The following POLR3G variants were observed in gnomAD, a reference collection of about 807,000 sequenced individuals.
POLR3G encodes RNA polymerase III subunit G, also known as DNA-directed RNA polymerase III subunit RPC7.
A neutral mutation model predicts 30.1 loss-of-function variants in POLR3G; 28 were observed. That is an observed-to-expected ratio of 0.93 (90% CI 0.69 to 1.27). The LOEUF (loss-of-function observed/expected upper bound fraction) is 1.27. Among genes scored for constraint, POLR3G ranks in the 50% most tolerant of loss-of-function variants. The pLI, the probability that POLR3G is intolerant of heterozygous loss-of-function variation, is 0.00. For synonymous variants in POLR3G, 79 were observed against 82.5 expected, an observed-to-expected ratio of 0.96 and a Z score of 0.23; for missense variants, 254 against 264.6, an observed-to-expected ratio of 0.96 and a Z score of 0.28.
At chr5:90,484,449 A>G (rs1044093174) in intron 1 of POLR3G, among the ~76,000 whole-genome samples, 2 of 152,200 alleles carry the variant, frequency 1.3e-5, no homozygotes, top group Admixed American at 6.5e-5. Flanking sequence ...AATAGTGCCT[A>G]TATTCAAATT....
Position 90,497,864 on chromosome 5 carries a change from G to A in POLR3G, c.355+158G>A, listed in dbSNP as rs999868294. On this transcript the variant is annotated intron_variant, in intron 5 of 7. Coordinates refer to ENST00000651687, the MANE Select transcript of POLR3G (RefSeq NM_006467.3). Reference sequence around the variant, plus strand: ...CTCATGCCTGTAATCTCAGCATTTCGGGAGGCTGAGGTGGGAGGATCACTT... The same window carrying A: ...CTCATGCCTGTAATCTCAGCATTTCAGGAGGCTGAGGTGGGAGGATCACTT... 1.7e-5 allele frequency: 15 copies of A among 863,462 alleles called. No homozygotes were observed. In the Admixed American group the frequency reaches 4.3e-4, roughly 25 times the overall value. The allele number at this position is 863,462 out of a possible 1,614,324, so 53.5% of individuals were successfully genotyped here. A position where few individuals can be genotyped will look rare whatever the true frequency, so the allele number is the denominator to read the frequency against.
At chr5:90,503,473 G>T (rs1297722262) in intron 6 of POLR3G, among the ~76,000 whole-genome samples, 2 of 152,178 alleles carry the variant, frequency 1.3e-5, no homozygotes, top group African/African-American at 4.8e-5. Flanking sequence ...TCAGGTTCTG[G>T]CTATTCTAAA....
upstream of POLR3G, chr5:90,474,149 C>T: frequency 5.0e-6 from 8 of 1,594,764 alleles, no homozygotes; most frequent in Non-Finnish European, 6.8e-6. Context: ...TGCGCAGCCC[C>T]AGGCCTGTAT....
At position 90,512,517 on chromosome 5, in the gene POLR3G, A is replaced by G. The variant is rs1752788220; in HGVS notation, c.*378A>G. The G allele has an allele frequency of 6.0e-6, 1 of 167,212 alleles. No homozygotes were observed. The highest frequency in any genetic ancestry group is 1.6e-4 in the South Asian group (1 of 6,204). The allele number at this position is 167,212 out of a possible 1,614,324, so 10.4% of individuals were successfully genotyped here. A position where few individuals can be genotyped will look rare whatever the true frequency, so the allele number is the denominator to read the frequency against. On this transcript the variant is annotated 3_prime_UTR_variant, in exon 8 of 8. Transcript: ENST00000651687. ...ATTGCTAGTCATAATGGATTTCTAT[A>G]ACCTGAAAGTTGATATAATACAGCA... is the stretch of plus-strand genomic sequence containing the variant.
At chr5:90,474,278 C>G (rs148053672), upstream of POLR3G, 94 of 1,613,154 alleles carry the variant, frequency 5.8e-5, no homozygotes, top group Non-Finnish European at 7.2e-5. Context: ...GGGCGTACCA[C>G]TCGAGCGCCG....
chr5:90,504,850 C>A (rs1361915660), intron 6 of POLR3G, among the ~76,000 whole-genome samples: 1 of 152,218 alleles, frequency 6.6e-6, no homozygotes, highest in Non-Finnish European at 1.5e-5. Flanking sequence ...TCTTTACTTG[C>A]ACTTTTCCAA....
At chr5:90,497,571 AC>A in intron 4 of POLR3G, 84 bp from the exon 5 acceptor site, 1 of 1,452,706 alleles carries the variant, frequency 6.9e-7, no homozygotes, top group East Asian at 2.6e-5. Flanking sequence ...TTTCTGGACA[AC>A]TGTTGTGTCC....
At chr5:90,480,418 T>C (rs181998546) in intron 1 of POLR3G, among the ~76,000 whole-genome samples, 2 of 151,270 alleles carry the variant, frequency 1.3e-5, no homozygotes, top group East Asian at 1.9e-4. Context: ...CACATAATTA[T>C]TAAATGTGTC....
intron 3 of POLR3G, among the ~76,000 whole-genome samples, chr5:90,494,469 A>T (rs1371420542): frequency 6.6e-6 from 1 of 152,084 alleles, no homozygotes; most frequent in African/African-American, 2.4e-5. Flanking sequence ...GAACTGCCAA[A>T]CAGTTTTCTA....
intron 1 of POLR3G, among the ~76,000 whole-genome samples, chr5:90,480,734 C>T (rs941002327): frequency 6.6e-6 from 1 of 152,144 alleles, no homozygotes; most frequent in African/African-American, 2.4e-5. Flanking sequence ...GTAAACTTTA[C>T]CTGGAATTGT....
chr5:90,509,745 C>T (rs559450380), intron 7 of POLR3G, among the ~76,000 whole-genome samples: 1 of 152,164 alleles, frequency 6.6e-6, no homozygotes, highest in South Asian at 2.1e-4. Flanking sequence ...CCAGATAAAT[C>T]GGTATGGCGG....
intron 1 of POLR3G, among the ~76,000 whole-genome samples, chr5:90,478,567 TTC>T (rs944889922): frequency 8.8e-6 from 1 of 113,782 alleles, no homozygotes; most frequent in African/African-American, 3.3e-5. Context: ...ATCTGCGTGG[TTC>T]TTTTTTTTTT....
chr5:90,495,982 AT>A, intron 4 of POLR3G, among the ~76,000 whole-genome samples: 1 of 151,350 alleles, frequency 6.6e-6, no homozygotes. Context: ...TATTTTATTT[AT>A]TTTTTTGAGA....
chr5:90,488,485 T>G (rs1427203676), intron 3 of POLR3G, among the ~76,000 whole-genome samples: 1 of 152,116 alleles, frequency 6.6e-6, no homozygotes, highest in African/African-American at 2.4e-5. Context: ...AAAATTAGAT[T>G]CACATTACTT....
At chr5:90,495,289 A>T (rs963566464) in intron 3 of POLR3G, among the ~76,000 whole-genome samples, 4 of 152,126 alleles carry the variant, frequency 2.6e-5, no homozygotes, top group African/African-American at 7.2e-5. Context: ...TTTGTGTGAT[A>T]GTGTTGCTTT....
intron 3 of POLR3G, 65 bp from the exon 4 acceptor site, chr5:90,495,612 G>T: frequency 1.3e-6 from 2 of 1,562,276 alleles, no homozygotes; most frequent in South Asian, 1.2e-5. Context: ...AATCTTAAAG[G>T]AATGGCTTAA....
intron 7 of POLR3G, among the ~76,000 whole-genome samples, chr5:90,509,502 G>T (rs148286857): frequency 6.6e-6 from 1 of 152,204 alleles, no homozygotes; most frequent in African/African-American, 2.4e-5. Context: ...AGTGAATAAT[G>T]CTGTGATACA....
At chr5:90,482,839 C>A (rs996891446) in intron 1 of POLR3G, among the ~76,000 whole-genome samples, 1 of 152,100 alleles carries the variant, frequency 6.6e-6, no homozygotes, top group Non-Finnish European at 1.5e-5. Context: ...ACCAAATTAA[C>A]TTTAAAATCT....
Position 90,497,599 on chromosome 5 carries a change from C to T in POLR3G, c.305-57C>T, listed in dbSNP as rs35140099. ...GTTGTGTCCTTCAAATAGTTATGTTCAATGCCACAAATTCCTAGAGGAAAC... is the reference window on the plus strand; with the variant it reads ...GTTGTGTCCTTCAAATAGTTATGTTTAATGCCACAAATTCCTAGAGGAAAC... On this transcript the variant is annotated intron_variant, in intron 4 of 7. Coordinates refer to ENST00000651687, the MANE Select transcript of POLR3G (RefSeq NM_006467.3). 128 of 1,552,034 alleles carry T rather than the reference C, an allele frequency of 8.2e-5. 1 individual carries two copies. In the African/African-American group the frequency reaches 1.7e-3, roughly 21 times the overall value.
Sources: gnomAD v4.1 joint callset for allele counts (sites outside exome capture counted in the v4.1 genomes callset) on GRCh38, gnomAD v4.1.1 for gene constraint, MANE v1.5 for transcripts, NCBI Gene and HGNC (gene_info 2026-07-23, HGNC 2026-07-21) for gene names.